COL22A1: variants seen among roughly 807,000 people sequenced by gnomAD.
COL22A1 encodes collagen type XXII alpha 1 chain.
COL22A1 carries 221 observed loss-of-function variants against 248.9 expected under a neutral mutation model. The observed-to-expected ratio is 0.89, with a 90% CI of 0.80 to 0.99. COL22A1 has a LOEUF of 0.99. COL22A1 is among the 50% of genes least tolerant of loss of function. The probability of loss-of-function intolerance (pLI) is 0.00; values close to 1 mark genes in which losing one functional copy is unlikely to be tolerated. For missense variants in COL22A1, 2,240 were observed against 2,179.0 expected, an observed-to-expected ratio of 1.03 and a Z score of -0.56; for synonymous variants, 891 against 793.4, an observed-to-expected ratio of 1.12 and a Z score of -2.07.
At chr8:138,593,355 G>A (rs1163767943) in intron 63 of COL22A1, among the ~76,000 whole-genome samples, 1 of 151,866 alleles carries the variant, frequency 6.6e-6, no homozygotes. Flanking sequence ...TGCACGTTCA[G>A]CACATGTATC....
intron 26 of COL22A1, 107 bp downstream of exon 26, chr8:138,721,929 G>A (rs926756455): frequency 1.1e-5 from 10 of 884,788 alleles, no homozygotes; most frequent in South Asian, 2.8e-5. Context: ...AATCCTGATC[G>A]AAGACCCAGG....
intron 1 of COL22A1, among the ~76,000 whole-genome samples, chr8:138,909,567 T>TA (rs1029463121): frequency 6.2e-5 from 9 of 145,682 alleles, no homozygotes; most frequent in African/African-American, 2.4e-4. Flanking sequence ...TAAAAAAACT[T>TA]ACTATAAGCC....
rs376568514 is a variant in COL22A1, at chr8:138,773,625, C to T, written c.1803+2341G>A. 7.9e-4 allele frequency among the ~76,000 whole-genome samples: 121 copies of T among 152,368 alleles called. No individual in the cohort carries two copies. In the South Asian group the frequency reaches 0.022, roughly 28 times the overall value. ...CTGCAGCCGTGTGTTGAGCTGACTA[C>T]GTAAATATCCGCCATGTGTTGGCAG... On this transcript the variant is annotated intron_variant, in intron 16 of 64. Transcript: ENST00000303045.
rs773134841 is a variant in COL22A1 at position 138,811,801 on chromosome 8, T to C, written c.1447A>G (p.Lys483Glu). Residue 483 changes from lysine (K) to glutamate (E), a missense_variant and splice_region_variant, in exon 9 of 65, where the codon AAG becomes GAG. Physicochemically the swap from Lys to Glu is moderately conservative, Grantham distance 56 (BLOSUM62 1). Coordinates refer to ENST00000303045, the MANE Select transcript of COL22A1 (RefSeq NM_152888.3). ...TGAAGGTGGACTGCAGACAATACCT[T>C]CTCTCCAGCTGGGCAGGAGCAGTTG... ...TINCSCPAGE[K>E]GEMGVAGPMG... The C allele has an allele frequency of 2.5e-6, 4 of 1,570,772 alleles. No individual in the cohort carries two copies. The highest frequency in any genetic ancestry group is 1.1e-5 in the South Asian group (1 of 90,548).
intron 23 of COL22A1, among the ~76,000 whole-genome samples, chr8:138,733,381 C>T (rs770036216): frequency 2.0e-5 from 3 of 152,208 alleles, no homozygotes; most frequent in Non-Finnish European, 2.9e-5. Flanking sequence ...ATCCCAGCCA[C>T]CCTGGGGCTT....
At chr8:138,703,475 G>C (rs1828135788) in intron 30 of COL22A1, 128 bp from the exon 31 acceptor site, 1 of 754,242 alleles carries the variant, frequency 1.3e-6, no homozygotes, top group Non-Finnish European at 2.3e-6. Context: ...GTGCAGGTAG[G>C]TGCACCCTGC....
At chr8:138,785,179 T>TC (rs971354939) in intron 12 of COL22A1, among the ~76,000 whole-genome samples, 3 of 151,998 alleles carry the variant, frequency 2.0e-5, no homozygotes, top group Non-Finnish European at 4.4e-5. Context: ...CCAGCCCTGC[T>TC]CCCCTGGGGA....
chr8:138,684,562 G>T, intron 38 of COL22A1, 93 bp from the exon 39 acceptor site: 1 of 897,308 alleles, frequency 1.1e-6, no homozygotes, highest in Non-Finnish European at 1.9e-6. Context: ...CCTCTGCTGG[G>T]GACCCAGAGA....
Position 138,688,632 on chromosome 8 carries a change from G to A in COL22A1, c.2862+285C>T, listed in dbSNP as rs564888930. On this transcript the variant is annotated intron_variant, in intron 37 of 64. Coordinates refer to ENST00000303045, the MANE Select transcript of COL22A1 (RefSeq NM_152888.3). ...AGAAAACAGGATTTGGAGTCAGACAGACCTAGCTCTGTAGCTTATTTGCTA... is the reference window on the plus strand; with the variant it reads ...AGAAAACAGGATTTGGAGTCAGACAAACCTAGCTCTGTAGCTTATTTGCTA... Among the ~76,000 whole-genome samples the A allele has an allele frequency of 3.0e-4, 46 of 152,286 alleles. No individual in the cohort carries two copies. In the South Asian group the frequency reaches 9.6e-3, roughly 32 times the overall value.
chr8:138,831,609 G>A (rs1820051622), intron 5 of COL22A1, among the ~76,000 whole-genome samples: 1 of 152,084 alleles, frequency 6.6e-6, no homozygotes, highest in Non-Finnish European at 1.5e-5. Flanking sequence ...CCCAGGTAGA[G>A]GAAGAACATG....
At chr8:138,785,414 A>G (rs985105112) in intron 12 of COL22A1, among the ~76,000 whole-genome samples, 8 of 152,194 alleles carry the variant, frequency 5.3e-5, no homozygotes, top group African/African-American at 1.9e-4. Flanking sequence ...CTAGGAATCA[A>G]TGATAGATTT....
Position 138,802,918 on chromosome 8 carries a change from A to G in COL22A1, c.1511T>C (p.Ile504Thr), listed in dbSNP as rs761826193. 4.3e-6 allele frequency: 7 copies of G among 1,613,758 alleles called. No individual in the cohort carries two copies. The highest frequency in any genetic ancestry group is 2.7e-5 in the African/African-American group (2 of 74,922). Residue 504 changes from isoleucine (I) to threonine (T), a missense_variant, in exon 11 of 65, where the codon ATT (isoleucine) becomes ACT (threonine). Transcript: ENST00000303045. ...LPGPKGDIGA[I>T]GPVGAPGPKG... The stretch of plus-strand genomic sequence containing the variant: ...AGGTCCAGGAGCGCCAACCGGCCCA[A>G]TGGCTCCTATGTCTCCCTGAGGGGT...
chr8:138,655,811 CA>C, intron 45 of COL22A1, 85 bp downstream of exon 45: 92 of 1,148,222 alleles, frequency 8.0e-5, no homozygotes, highest in Non-Finnish European at 9.3e-5. Flanking sequence ...AATAGTTGTT[CA>C]AAAAAAACCC....
intron 25 of COL22A1, 193 bp from the exon 26 acceptor site, chr8:138,722,282 C>T (rs577048006): frequency 3.0e-4 from 175 of 587,622 alleles, no homozygotes; most frequent in Non-Finnish European, 4.3e-4. Flanking sequence ...TTTGTTACTA[C>T]TGAAGCAAAT....
chr8:138,728,117 C>T lies in COL22A1; in HGVS notation c.2140-2677G>A, dbSNP rs542205757. The stretch of plus-strand genomic sequence containing the variant: ...GTGCAATCATAGCTCACTGCAGCCT[C>T]CAATTCCTTGGCTCAAGTGATCCTC... On this transcript the variant is annotated intron_variant, in intron 23 of 64. Coordinates refer to ENST00000303045, the MANE Select transcript of COL22A1 (RefSeq NM_152888.3). 2.6e-5 allele frequency among the ~76,000 whole-genome samples: 4 copies of T among 152,294 alleles called. No homozygotes were observed. The South Asian group carries it at 6.2e-4, about 24-fold the overall frequency.
At chr8:138,805,084 T>C (rs1409481333) in intron 10 of COL22A1, among the ~76,000 whole-genome samples, 1 of 136,174 alleles carries the variant, frequency 7.3e-6, no homozygotes, top group Admixed American at 7.2e-5. Context: ...TGTGTTAGTG[T>C]AGGTAATGGT....
intron 41 of COL22A1, among the ~76,000 whole-genome samples, chr8:138,674,704 C>G (rs202162347): frequency 2.0e-5 from 3 of 152,130 alleles, no homozygotes; most frequent in East Asian, 3.9e-4. Flanking sequence ...AGGGAGTAGA[C>G]AGGGTCACGT....
intron 32 of COL22A1, among the ~76,000 whole-genome samples, chr8:138,697,893 T>A (rs1169796837): frequency 6.6e-6 from 1 of 152,072 alleles, no homozygotes; most frequent in Non-Finnish European, 1.5e-5. Flanking sequence ...CAATGAAACT[T>A]TTTTTTTCCA....
At chr8:138,906,893 T>C (rs566124811) in intron 1 of COL22A1, among the ~76,000 whole-genome samples, 82 of 152,304 alleles carry the variant, frequency 5.4e-4, no homozygotes, top group Non-Finnish European at 1.0e-3. Flanking sequence ...CCTCAAGTGA[T>C]CCTTCCGCCT....
Sources: gnomAD v4.1 joint callset for allele counts (sites outside exome capture counted in the v4.1 genomes callset) on GRCh38, gnomAD v4.1.1 for gene constraint, MANE v1.5 for transcripts, NCBI Gene and HGNC (gene_info 2026-07-23, HGNC 2026-07-21) for gene names.